ARHGAP42: variants seen among roughly 807,000 people sequenced by gnomAD.
ARHGAP42 encodes rho GTPase-activating protein 42.
In ARHGAP42, 63 loss-of-function variants were observed where a neutral mutation model predicts 125.0. The observed-to-expected ratio is 0.50, with a 90% CI of 0.41 to 0.62. The LOEUF is 0.62. Among genes scored for constraint, ARHGAP42 ranks in the 20% least tolerant of loss-of-function variants. ARHGAP42 has a pLI of 0.00. For synonymous variants in ARHGAP42, 339 were observed against 351.0 expected (o/e 0.97, Z 0.38); for missense variants, 766 against 1,024.2 (o/e 0.75, Z 3.44).
At chr11:100,988,110 C>A (rs545780942) in intron 23 of ARHGAP42, among the ~76,000 whole-genome samples, 1 of 152,254 alleles carries the variant, frequency 6.6e-6, no homozygotes, top group East Asian at 1.9e-4. Context: ...CCTGGCAACA[C>A]AGCAAGACTC....
At chr11:100,849,299 T>A (rs1258912525) in intron 3 of ARHGAP42, among the ~76,000 whole-genome samples, 8 of 152,190 alleles carry the variant, frequency 5.3e-5, no homozygotes, top group Non-Finnish European at 1.2e-4. Context: ...TAAGAAAGGC[T>A]TTTGACAGCT....
rs1867383725 is a variant in ARHGAP42, at chr11:100,925,079, GTTTTGGCCTCTC to G, written c.597+3476_597+3487del. ...ACTCCTGACCTCAGGTGATCCACCTGTTTTGGCCTCTCAAAGTGCTGGGATTACAGGCGTGAG... is the reference window on the plus strand; with the variant it reads ...ACTCCTGACCTCAGGTGATCCACCTGAAAGTGCTGGGATTACAGGCGTGAG... On this transcript the variant is annotated intron_variant, in intron 6 of 23. Coordinates refer to ENST00000298815, the MANE Select transcript of ARHGAP42 (RefSeq NM_152432.4). Among the ~76,000 whole-genome samples, 6 of 152,096 alleles carry G rather than the reference GTTTTGGCCTCTC, an allele frequency of 3.9e-5. No individual in the cohort carries two copies. The South Asian group carries it at 1.2e-3, about 32-fold the overall frequency.
intron 22 of ARHGAP42, among the ~76,000 whole-genome samples, chr11:100,986,578 A>T (rs1177893421): frequency 6.6e-6 from 1 of 152,048 alleles, no homozygotes; most frequent in Non-Finnish European, 1.5e-5. Context: ...TAGATAATGG[A>T]TTGTAAGGGA....
At chr11:100,952,664 A>G (rs2135286974) in intron 12 of ARHGAP42, among the ~76,000 whole-genome samples, 1 of 151,708 alleles carries the variant, frequency 6.6e-6, no homozygotes, top group Middle Eastern at 3.4e-3. Flanking sequence ...GATTGGACTC[A>G]CTTTCCAGAA....
rs1195937016 is a variant in ARHGAP42, at chr11:100,989,591, TA to T, written c.*791del. Reference sequence around the variant, plus strand: ...ACTATCTTCATAACTTTGAGATTTTTATAAAATTTTACATGAAAATATACTG... The same window carrying T: ...ACTATCTTCATAACTTTGAGATTTTTTAAAATTTTACATGAAAATATACTG... On this transcript the variant is annotated 3_prime_UTR_variant, in exon 24 of 24. Transcript: ENST00000298815. The T allele has an allele frequency of 5.2e-5, 8 of 153,124 alleles. No individual in the cohort carries two copies. Among genetic ancestry groups the T allele is most frequent in the African/African-American group, 1.7e-4 (7 of 41,500 alleles). The allele number at this position is 153,124 out of a possible 1,614,324, so 9.5% of individuals were successfully genotyped here.
At chr11:100,721,355 T>C (rs12284151) in intron 1 of ARHGAP42, among the ~76,000 whole-genome samples, 44,589 of 152,108 alleles carry the variant, frequency 0.29, 6,915 homozygotes, top group African/African-American at 0.37. Context: ...CAGAATGTCA[T>C]ACAGTTGGAA....
intron 3 of ARHGAP42, among the ~76,000 whole-genome samples, chr11:100,851,291 G>C (rs1049634166): frequency 3.3e-5 from 5 of 152,156 alleles, no homozygotes; most frequent in African/African-American, 1.2e-4. Flanking sequence ...TTGCTAACAA[G>C]AGCAACAGCA....
intron 1 of ARHGAP42, among the ~76,000 whole-genome samples, chr11:100,713,759 G>T (rs1225724379): frequency 6.6e-6 from 1 of 152,126 alleles, no homozygotes; most frequent in African/African-American, 2.4e-5. Flanking sequence ...TTCTTTAGGG[G>T]ATCTGCAGAA....
At chr11:100,830,885 G>A (rs1220841328) in intron 3 of ARHGAP42, among the ~76,000 whole-genome samples, 1 of 152,104 alleles carries the variant, frequency 6.6e-6, no homozygotes, top group Non-Finnish European at 1.5e-5. Flanking sequence ...CCAGAGAGAA[G>A]AAGGCAGAGG....
chr11:100,762,536 A>T (rs1441718910), intron 1 of ARHGAP42, among the ~76,000 whole-genome samples: 1 of 152,228 alleles, frequency 6.6e-6, no homozygotes, highest in East Asian at 1.9e-4. Flanking sequence ...TGACTACTAC[A>T]TGCCAAACTT....
At chr11:100,724,634 C>A (rs1402030526) in intron 1 of ARHGAP42, among the ~76,000 whole-genome samples, 1 of 151,150 alleles carries the variant, frequency 6.6e-6, no homozygotes, top group African/African-American at 2.4e-5. Context: ...CATTTCAGTA[C>A]CCAGGGGGAT....
chr11:100,774,752 T>C (rs1863077053), intron 2 of ARHGAP42, among the ~76,000 whole-genome samples: 1 of 152,176 alleles, frequency 6.6e-6, no homozygotes, highest in Admixed American at 6.5e-5. Flanking sequence ...TATAATTGCC[T>C]AATTATGAAA....
chr11:100,992,152 T>C lies in ARHGAP42; in HGVS notation c.*3351T>C, dbSNP rs544693587. On this transcript the variant is annotated 3_prime_UTR_variant, in exon 24 of 24. Transcript: ENST00000298815. ...GAGCTTTGCCTCAAGCAATTTCAAA[T>C]TGTAGTGATACCTTAAATCATGTAT... 15 of 777,374 alleles carry C rather than the reference T, an allele frequency of 1.9e-5. No homozygotes were observed. Among genetic ancestry groups the C allele is most frequent in the Non-Finnish European group, 3.0e-5 (15 of 502,818 alleles). The allele number at this position is 777,374 out of a possible 1,614,324, so 48.2% of individuals were successfully genotyped here.
intron 4 of ARHGAP42, among the ~76,000 whole-genome samples, chr11:100,880,143 G>A (rs7943500): frequency 0.1 from 15,576 of 152,122 alleles, 795 homozygotes; most frequent in Non-Finnish European, 0.12. Flanking sequence ...AACAGGTGGT[G>A]TTTGGTTACA....
intron 8 of ARHGAP42, among the ~76,000 whole-genome samples, chr11:100,940,394 C>T (rs544452807): frequency 2.0e-5 from 3 of 152,194 alleles, no homozygotes; most frequent in African/African-American, 7.2e-5. Flanking sequence ...ATGTAGAAAA[C>T]AAGCTCCATT....
intron 4 of ARHGAP42, among the ~76,000 whole-genome samples, chr11:100,883,371 GCT>G: frequency 6.6e-6 from 1 of 152,260 alleles, no homozygotes; most frequent in African/African-American, 2.4e-5. Flanking sequence ...ACAGAGTCTT[GCT>G]CTTGTTGCCC....
At chr11:100,794,803 A>G (rs1017262864) in intron 2 of ARHGAP42, among the ~76,000 whole-genome samples, 4 of 152,168 alleles carry the variant, frequency 2.6e-5, no homozygotes, top group Non-Finnish European at 5.9e-5. Flanking sequence ...CATTTTACAT[A>G]TTAAATATAT....
chr11:100,859,056 G>A (rs1865386590), intron 3 of ARHGAP42, among the ~76,000 whole-genome samples: 1 of 152,046 alleles, frequency 6.6e-6, no homozygotes, highest in South Asian at 2.1e-4. Context: ...AACATTATGA[G>A]AATGTTCAGG....
At chr11:100,766,924 A>G (rs1328169861) in intron 1 of ARHGAP42, among the ~76,000 whole-genome samples, 1 of 152,178 alleles carries the variant, frequency 6.6e-6, no homozygotes, top group Non-Finnish European at 1.5e-5. Context: ...TTATGCTTCC[A>G]GAAGGACTGT....
Sources: allele counts gnomAD v4.1 joint callset (sites outside exome capture counted in the v4.1 genomes callset), GRCh38; gene constraint gnomAD v4.1.1; transcripts MANE v1.5; gene names NCBI Gene and HGNC (gene_info 2026-07-23, HGNC 2026-07-21).